The following APOLD1 variants were observed in gnomAD, a reference collection of about 807,000 sequenced individuals.
The protein encoded by APOLD1 is apolipoprotein L domain containing 1, also known as apolipoprotein L domain-containing protein 1.
Under a neutral mutation model 15.3 loss-of-function variants are expected in APOLD1, and 22 were observed. The observed-to-expected ratio is 1.44, with a 90% confidence interval of 1.03 to 2.05. The LOEUF (loss-of-function observed/expected upper bound fraction) is 2.05. Ranked by LOEUF, APOLD1 falls within the 30% of genes most tolerant of loss-of-function variation. The probability of loss-of-function intolerance (pLI) is 0.00; values close to 1 mark genes in which losing one functional copy is unlikely to be tolerated. For synonymous variants in APOLD1, 190 were observed against 167.4 expected, an observed-to-expected ratio of 1.13 and a Z score of -1.04; for missense variants, 394 against 353.5, an observed-to-expected ratio of 1.11 and a Z score of -0.92.
chr12:12,761,862 G>GAGAGAGAGAGAGAGAGAGAGAGAC, intron 1 of APOLD1, among the ~76,000 whole-genome samples: 2 of 146,598 alleles, frequency 1.4e-5, no homozygotes, highest in Non-Finnish European at 3.0e-5. Flanking sequence ...GAGAGAGAGA[G>GAGAGAGAGAGAGAGAGAGAGAGAC]TCTTGCTCTG....
At chr12:12,779,495 T>C (rs946531579) in intron 1 of APOLD1, among the ~76,000 whole-genome samples, 1 of 152,164 alleles carries the variant, frequency 6.6e-6, no homozygotes, top group Admixed American at 6.5e-5. Context: ...GCTGGTGGCA[T>C]TATAAATGGG....
At chr12:12,783,658 G>A (rs1212868876), upstream of APOLD1, among the ~76,000 whole-genome samples, 4 of 138,798 alleles carry the variant, frequency 2.9e-5, no homozygotes, top group Non-Finnish European at 4.6e-5. Context: ...TTTTTTTTGA[G>A]ACAAGGTCTC....
At chr12:12,728,025 G>A (rs1469794784) in intron 1 of APOLD1, among the ~76,000 whole-genome samples, 3 of 151,870 alleles carry the variant, frequency 2.0e-5, no homozygotes, top group Non-Finnish European at 4.4e-5. Flanking sequence ...GGAGTGCAGT[G>A]GGCATGAGCA....
chr12:12,736,370 C>CA (rs202099965), intron 1 of APOLD1, among the ~76,000 whole-genome samples: 14,014 of 68,298 alleles, frequency 0.21, 810 homozygotes, highest in East Asian at 0.28. Context: ...CAAAACAAAA[C>CA]AAAAAAACTA....
chr12:12,740,807 C>T (rs879345981), intron 1 of APOLD1, among the ~76,000 whole-genome samples: 2 of 152,046 alleles, frequency 1.3e-5, no homozygotes, highest in African/African-American at 2.4e-5. Flanking sequence ...ATAATTTTCC[C>T]ACTACAGACT....
chr12:12,749,554 CTGAT>C (rs760923115), intron 1 of APOLD1, among the ~76,000 whole-genome samples: 1 of 152,018 alleles, frequency 6.6e-6, no homozygotes, highest in Non-Finnish European at 1.5e-5. Context: ...ACCTTAACCT[CTGAT>C]TGGTTGCTTT....
At chr12:12,750,198 C>T (rs1397173964) in intron 1 of APOLD1, among the ~76,000 whole-genome samples, 1 of 151,922 alleles carries the variant, frequency 6.6e-6, no homozygotes, top group African/African-American at 2.4e-5. Context: ...CATGGAGAAA[C>T]CCTGTCTCTA....
chr12:12,787,457 G>A lies in APOLD1; in HGVS notation c.552G>A (p.Ala184=), dbSNP rs755679287. 1 of 1,614,160 alleles carries A rather than the reference G, an allele frequency of 6.2e-7. No individual in the cohort carries two copies. Among genetic ancestry groups the A allele is most frequent in the Non-Finnish European group, 8.5e-7 (1 of 1,180,020 alleles). ...GTGGCTTCCTCATCCCCAGGCGGGCGGAGGGGGACACCAAGGTTAGCCAGG... is the reference window on the plus strand; with the variant it reads ...GTGGCTTCCTCATCCCCAGGCGGGCAGAGGGGGACACCAAGGTTAGCCAGG... The part of the protein sequence containing the change: ...GSRGFLIPRR[A]EGDTKVSQAV... Residue 184 remains alanine, a synonymous_variant, in exon 2 of 2, where the codon GCG becomes GCA. Transcript: ENST00000356591. This position sits in a 1 kb window ranked among gnomAD's most constrained non-coding sequence, Gnocchi z 4.9.
intron 1 of APOLD1, among the ~76,000 whole-genome samples, chr12:12,736,237 G>T (rs2136370784): frequency 6.6e-6 from 1 of 152,314 alleles, no homozygotes; most frequent in South Asian, 2.1e-4. Flanking sequence ...TGTAATCCCA[G>T]CTACTCGAGA....
intron 1 of APOLD1, among the ~76,000 whole-genome samples, chr12:12,759,946 C>T (rs572727409): frequency 6.6e-6 from 1 of 152,222 alleles, no homozygotes; most frequent in South Asian, 2.1e-4. Context: ...GGCAAAAAGC[C>T]ATATTGATAG....
upstream of APOLD1, among the ~76,000 whole-genome samples, chr12:12,782,219 A>G (rs1947086558): frequency 6.6e-6 from 1 of 152,032 alleles, no homozygotes; most frequent in African/African-American, 2.4e-5. Context: ...AGATCGCACC[A>G]CTGCACTCCA....
rs1947156916 is a variant in APOLD1, at chr12:12,788,893, AG to A, written c.*1242del. On this transcript the variant is annotated 3_prime_UTR_variant, in exon 2 of 2. Coordinates refer to ENST00000356591, the MANE Select transcript of APOLD1 (RefSeq NM_030817.3). ...ACTGTGTCCCAGAAGCCAAAATGAGAGAGAGAGAGAGAGAGCACGCGTACGT... is the reference window on the plus strand; with the variant it reads ...ACTGTGTCCCAGAAGCCAAAATGAGAAGAGAGAGAGAGAGCACGCGTACGT... 6.7e-6 allele frequency: 1 copy of A among 149,722 alleles called. No individual in the cohort carries two copies. Among genetic ancestry groups the A allele is most frequent in the Non-Finnish European group, 1.5e-5 (1 of 67,126 alleles). The allele number at this position is 149,722 out of a possible 1,614,324, so 9.3% of individuals were successfully genotyped here. A position where few individuals can be genotyped will look rare whatever the true frequency, so the allele number is the denominator to read the frequency against.
At position 12,790,383 on chromosome 12, in the gene APOLD1, T is replaced by C. The variant is rs1339523226; in HGVS notation, c.*2731T>C. On this transcript the variant is annotated 3_prime_UTR_variant, in exon 2 of 2. Coordinates refer to ENST00000356591, the MANE Select transcript of APOLD1 (RefSeq NM_030817.3). ...ACAATCATTTTAAATCATTTTAGAA[T>C]GTACTTCACATTATTAGTTGTGTTA... The C allele has an allele frequency of 6.6e-6, 1 of 152,216 alleles. No homozygotes were observed. Among genetic ancestry groups the C allele is most frequent in the Non-Finnish European group, 1.5e-5 (1 of 68,034 alleles). The allele number at this position is 152,216 out of a possible 1,614,324, so 9.4% of individuals were successfully genotyped here. A position where few individuals can be genotyped will look rare whatever the true frequency, so the allele number is the denominator to read the frequency against.
At chr12:12,726,120 G>C (rs1329862931) in intron 1 of APOLD1, 9 of 1,262,440 alleles carry the variant, frequency 7.1e-6, no homozygotes, top group Non-Finnish European at 9.6e-6. Context: ...GTGCGGGAGG[G>C]TGGAGGTGGC....
At chr12:12,786,326 T>A (rs1007270269) in intron 1 of APOLD1, among the ~76,000 whole-genome samples, 1 of 152,158 alleles carries the variant, frequency 6.6e-6, no homozygotes, top group African/African-American at 2.4e-5. Flanking sequence ...GAAAAGAGCC[T>A]GGAAGAATCA....
chr12:12,783,129 C>A (rs1469064817), upstream of APOLD1, among the ~76,000 whole-genome samples: 1 of 152,132 alleles, frequency 6.6e-6, no homozygotes, highest in Non-Finnish European at 1.5e-5. Context: ...TTGCTTGAAT[C>A]TGGGAGGCGG....
chr12:12,759,230 A>C (rs1417020314), intron 1 of APOLD1, among the ~76,000 whole-genome samples: 2 of 152,252 alleles, frequency 1.3e-5, no homozygotes, highest in Non-Finnish European at 2.9e-5. Flanking sequence ...AAGGGAAACC[A>C]TAGAGAAAGG....
chr12:12,742,910 A>G (rs975019763), intron 1 of APOLD1, among the ~76,000 whole-genome samples: 4 of 152,236 alleles, frequency 2.6e-5, no homozygotes, highest in African/African-American at 9.6e-5. Flanking sequence ...AACTACAGGC[A>G]TGTGACACCA....
At chr12:12,769,142 C>A (rs1025274018) in intron 1 of APOLD1, among the ~76,000 whole-genome samples, 14 of 148,314 alleles carry the variant, frequency 9.4e-5, no homozygotes, top group African/African-American at 3.5e-4. Flanking sequence ...GTGGAAGGAT[C>A]ACTTGAGCCT....
Sources: gnomAD v4.1 joint callset for allele counts (sites outside exome capture counted in the v4.1 genomes callset) on GRCh38, gnomAD v4.1.1 for gene constraint, Gnocchi (gnomAD v3.1) non-coding constraint, MANE v1.5 for transcripts, NCBI Gene and HGNC (gene_info 2026-07-23, HGNC 2026-07-21) for gene names.